Variants in TTC3 observed in about 807,000 individuals in gnomAD.
TTC3 encodes E3 ubiquitin-protein ligase TTC3.
TTC3 carries 180 observed loss-of-function variants against 249.6 expected under a neutral mutation model. The ratio of observed to expected loss-of-function variants is 0.72; its 90% CI spans 0.64 to 0.82. TTC3 has a LOEUF of 0.82. TTC3 is among the 40% of genes least tolerant of loss of function. The pLI, the probability that TTC3 is intolerant of heterozygous loss-of-function variation, is 0.00. For missense variants in TTC3, 2,061 were observed against 2,398.4 expected (o/e 0.86, Z 2.94); for synonymous variants, 717 against 805.0 (o/e 0.89, Z 1.85).
At chr21:37,115,202 A>ATAATAATAATAC (rs56746542) in intron 11 of TTC3, among the ~76,000 whole-genome samples, 1 of 150,178 alleles carries the variant, frequency 6.7e-6, no homozygotes, top group Non-Finnish European at 1.5e-5. Context: ...AATAATAATA[A>ATAATAATAATAC]AGAAACTATT....
chr21:37,126,037 G>C, intron 14 of TTC3, 43 bp from the exon 15 acceptor site: 2 of 1,373,986 alleles, frequency 1.5e-6, no homozygotes, highest in Middle Eastern at 1.8e-4. Flanking sequence ...TTCATGGCTG[G>C]GTTGTTTTTT....
At position 37,159,469 on chromosome 21, in the gene TTC3, C is replaced by A. The variant is rs187621016; in HGVS notation, c.2993-230C>A. 15 of 515,760 alleles carry A rather than the reference C, an allele frequency of 2.9e-5. No individual in the cohort carries two copies. The African/African-American group carries it at 2.9e-4, about 10-fold the overall frequency. The allele number at this position is 515,760 out of a possible 1,614,324, so 31.9% of individuals were successfully genotyped here. On this transcript the variant is annotated intron_variant, in intron 28 of 45. Transcript: ENST00000355666. ...ACTAGCATAGATGGTACCTAGAAGG[C>A]ACTCAACATTATGCTGAATCAGATT... is the stretch of plus-strand genomic sequence containing the variant.
At chr21:37,169,856 A>C (rs1220431334) in intron 34 of TTC3, among the ~76,000 whole-genome samples, 1 of 151,826 alleles carries the variant, frequency 6.6e-6, no homozygotes, top group African/African-American at 2.4e-5. Context: ...TCAAAAAAAA[A>C]AAAACAAAAA....
intron 20 of TTC3, 84 bp from the exon 21 acceptor site, chr21:37,144,441 A>T: frequency 6.8e-7 from 1 of 1,462,948 alleles, no homozygotes; most frequent in Non-Finnish European, 9.2e-7. Context: ...TCGTCCCAGT[A>T]AGCTTGAGAT....
intron 18 of TTC3, among the ~76,000 whole-genome samples, chr21:37,136,979 G>A (rs750142519): frequency 6.6e-6 from 1 of 152,164 alleles, no homozygotes; most frequent in Non-Finnish European, 1.5e-5. Context: ...CCCTAGAAAT[G>A]GAACAACAAA....
At chr21:37,102,379 T>G (rs1340622306) in intron 10 of TTC3, among the ~76,000 whole-genome samples, 1 of 152,196 alleles carries the variant, frequency 6.6e-6, no homozygotes, top group African/African-American at 2.4e-5. Context: ...TTGCATACTT[T>G]TTATGGTATG....
chr21:37,195,645 G>A, intron 41 of TTC3, 30 bp from the exon 42 acceptor site: 1 of 1,562,570 alleles, frequency 6.4e-7, no homozygotes, highest in Non-Finnish European at 8.7e-7. Flanking sequence ...GAAGCCCTAA[G>A]TGATCCATGG....
At chr21:37,138,387 A>G (rs1208064643) in intron 18 of TTC3, among the ~76,000 whole-genome samples, 2 of 152,226 alleles carry the variant, frequency 1.3e-5, no homozygotes, top group African/African-American at 4.8e-5. Context: ...TCTATTATGA[A>G]TCATGCCTCA....
intron 16 of TTC3, among the ~76,000 whole-genome samples, chr21:37,129,791 G>A (rs371687430): frequency 6.6e-6 from 1 of 152,156 alleles, no homozygotes; most frequent in East Asian, 1.9e-4. Context: ...TATGGTGCAC[G>A]TCACCATGAC....
intron 29 of TTC3, 84 bp from the exon 30 acceptor site, chr21:37,160,718 T>G: frequency 2.9e-6 from 4 of 1,388,978 alleles, no homozygotes; most frequent in Non-Finnish European, 4.0e-6. Flanking sequence ...ATGGCTAGTC[T>G]GTAAAAACTC....
At chr21:37,099,160 G>A (rs2074232236) in intron 10 of TTC3, 1 of 152,180 alleles carries the variant, frequency 6.6e-6, no homozygotes, top group African/African-American at 2.4e-5. Flanking sequence ...TGAAAGATTA[G>A]AAAATATAAG....
chr21:37,183,233 A>G (rs2082919387), intron 36 of TTC3, among the ~76,000 whole-genome samples: 1 of 152,198 alleles, frequency 6.6e-6, no homozygotes, highest in Non-Finnish European at 1.5e-5. Context: ...TCAGCAAAAC[A>G]TGGGGGCTGG....
intron 44 of TTC3, 131 bp downstream of exon 44, chr21:37,198,156 T>C (rs764015224): frequency 1.9e-5 from 22 of 1,132,742 alleles, no homozygotes; most frequent in Admixed American, 6.0e-5. Flanking sequence ...TGAATTTCAA[T>C]GTACTTGAAT....
chr21:37,087,898 T>C (rs756621153), intron 3 of TTC3, 23 bp downstream of exon 3: 3 of 1,560,638 alleles, frequency 1.9e-6, no homozygotes, highest in South Asian at 2.3e-5. Context: ...GTATTTTTAA[T>C]GTTAATTTAT....
intron 1 of TTC3, 148 bp from the exon 2 acceptor site, chr21:37,087,099 A>C (rs2072591998): frequency 1.2e-6 from 1 of 810,056 alleles, no homozygotes; most frequent in South Asian, 1.9e-5. Context: ...GGGGACGAGA[A>C]TCTTTCGGAG....
chr21:37,179,304 G>A (rs958334448), intron 35 of TTC3, among the ~76,000 whole-genome samples: 1 of 152,020 alleles, frequency 6.6e-6, no homozygotes, highest in Non-Finnish European at 1.5e-5. Flanking sequence ...CAAAAACAGA[G>A]AGTTTTTCTA....
intron 8 of TTC3, among the ~76,000 whole-genome samples, 188 bp from the exon 9 acceptor site, chr21:37,095,162 T>G (rs993248156): frequency 2.6e-5 from 4 of 151,812 alleles, no homozygotes; most frequent in Non-Finnish European, 5.9e-5. Flanking sequence ...TGTGTGTGTG[T>G]GTATAGTGGG....
At chr21:37,091,521 GTT>G in intron 7 of TTC3, 108 bp downstream of exon 7, 1 of 919,460 alleles carries the variant, frequency 1.1e-6, no homozygotes, top group Non-Finnish European at 1.4e-6. Context: ...TTTAAAAAAA[GTT>G]TTTATTTTGT....
In TTC3 at chr21:37,151,888, A is replaced by T; in HGVS notation, c.2277-5A>T. 1.9e-6 allele frequency: 3 copies of T among 1,570,284 alleles called. No individual in the cohort carries two copies. Among genetic ancestry groups the T allele is most frequent in the Non-Finnish European group, 8.6e-7 (1 of 1,166,522 alleles). On this transcript the variant is annotated splice_polypyrimidine_tract_variant and splice_region_variant and intron_variant, in intron 25 of 45. Coordinates refer to ENST00000355666, the Ensembl canonical transcript of TTC3. ...GAGTTGTCACTAATTGTAAATGTTT[A>T]TCAGCCTAGAGAAACTAAGACTGAA...
Sources: gnomAD v4.1 joint callset for allele counts (sites outside exome capture counted in the v4.1 genomes callset) on GRCh38, gnomAD v4.1.1 for gene constraint, MANE v1.5 for transcripts, NCBI Gene and HGNC (gene_info 2026-07-23, HGNC 2026-07-21) for gene names.